Variants in ATP6V0D1 observed in about 807,000 individuals in gnomAD.
ATP6V0D1 encodes V-type proton ATPase subunit d 1.
Under a neutral mutation model 39.0 loss-of-function variants are expected in ATP6V0D1, and 13 were observed. That is an observed-to-expected ratio of 0.33 (90% CI 0.22 to 0.53). ATP6V0D1 has a LOEUF of 0.53. ATP6V0D1 is among the 20% of genes least tolerant of loss of function. The pLI, the probability that ATP6V0D1 is intolerant of heterozygous loss-of-function variation, is 0.94. For synonymous variants in ATP6V0D1, 191 were observed against 191.2 expected (o/e 1.00, Z 0.01); for missense variants, 272 against 470.9 (o/e 0.58, Z 3.91).
chr16:67,475,504 C>T (rs2041407592), intron 1 of ATP6V0D1, among the ~76,000 whole-genome samples: 1 of 152,226 alleles, frequency 6.6e-6, no homozygotes, highest in African/African-American at 2.4e-5. Context: ...AACGATCTAA[C>T]TCTCTGGCTG....
In ATP6V0D1 at chr16:67,474,804, A is replaced by G. The variant is rs560629432; in HGVS notation, c.130+6153T>C. On this transcript the variant is annotated intron_variant, in intron 1 of 7. Transcript: ENST00000290949. ...ATATCTCCACTCAGATGGCTCACAGATCCCTCAATTTCATCTTCTCACTTC... is the reference window on the plus strand; with the variant it reads ...ATATCTCCACTCAGATGGCTCACAGGTCCCTCAATTTCATCTTCTCACTTC... 1.0e-3 allele frequency among the ~76,000 whole-genome samples: 155 copies of G among 152,194 alleles called. 1 individual carries two copies. Among genetic ancestry groups the G allele is most frequent in the African/African-American group, 3.5e-3 (147 of 41,524 alleles).
intron 1 of ATP6V0D1, among the ~76,000 whole-genome samples, chr16:67,477,891 G>A (rs751458055): frequency 2.6e-5 from 4 of 152,000 alleles, no homozygotes; most frequent in East Asian, 1.9e-4. Context: ...GGATGGTCTC[G>A]ATCTCCTGAC....
chr16:67,469,542 C>A (rs2041356457), intron 1 of ATP6V0D1, among the ~76,000 whole-genome samples: 1 of 152,114 alleles, frequency 6.6e-6, no homozygotes, highest in South Asian at 2.1e-4. Context: ...CCCTCAAGCA[C>A]CCCCATAGGA....
intron 1 of ATP6V0D1, among the ~76,000 whole-genome samples, chr16:67,463,871 T>G (rs915156331): frequency 2.6e-5 from 4 of 151,962 alleles, no homozygotes; most frequent in African/African-American, 9.7e-5. Context: ...GGACCTGGGC[T>G]GGCCCCTGGG....
chr16:67,457,389 C>A (rs1426522812), intron 1 of ATP6V0D1: 1 of 360,960 alleles, frequency 2.8e-6, no homozygotes, highest in Non-Finnish European at 5.4e-6. Flanking sequence ...CTCTGCACCT[C>A]CTTTACCGCT....
Position 67,456,866 on chromosome 16 carries a change from C to G in ATP6V0D1, c.131-3151G>C, listed in dbSNP as rs1022038440. ...CATCAGGGGCTGGGCCTCACCCGGG[C>G]ATCTGTGTACACACTGCTCTTCCAG... On this transcript the variant is annotated intron_variant, in intron 1 of 7. Coordinates refer to ENST00000290949, the MANE Select transcript of ATP6V0D1 (RefSeq NM_004691.5). The surrounding 1 kb of genome is among the most constrained non-coding windows in gnomAD (Gnocchi z 4.1). 1 of 152,234 alleles carries G rather than the reference C, an allele frequency of 6.6e-6. No homozygotes were observed. Among genetic ancestry groups the G allele is most frequent in the Non-Finnish European group, 1.5e-5 (1 of 68,094 alleles). 9.4% of individuals were successfully genotyped at this position (152,234 alleles called of 1,614,324 possible).
At chr16:67,475,029 G>A (rs1055168603) in intron 1 of ATP6V0D1, among the ~76,000 whole-genome samples, 3 of 152,132 alleles carry the variant, frequency 2.0e-5, no homozygotes, top group Admixed American at 6.5e-5. Context: ...TGCCTTCACC[G>A]CCAGCCTGGA....
In ATP6V0D1 at chr16:67,438,467, ACACGCG is replaced by A; in HGVS notation, c.*55_*60del. 1 of 1,570,058 alleles carries A rather than the reference ACACGCG, an allele frequency of 6.4e-7. No homozygotes were observed. Among genetic ancestry groups the A allele is most frequent in the Admixed American group, 1.8e-5 (1 of 56,216 alleles). ...AGACCACATACACACACACGCACACACACGCGCACACACACACACACACACACAAAG... is the reference window on the plus strand; with the variant it reads ...AGACCACATACACACACACGCACACACACACACACACACACACACACAAAG... On this transcript the variant is annotated 3_prime_UTR_variant, in exon 8 of 8. Coordinates refer to ENST00000290949, the MANE Select transcript of ATP6V0D1 (RefSeq NM_004691.5).
intron 1 of ATP6V0D1, among the ~76,000 whole-genome samples, chr16:67,459,812 C>T (rs1020370173): frequency 6.6e-6 from 1 of 152,256 alleles, no homozygotes; most frequent in East Asian, 1.9e-4. Flanking sequence ...GGTCCTGGCC[C>T]GTGCCAGGGG....
At chr16:67,466,861 C>G (rs990611564) in intron 1 of ATP6V0D1, among the ~76,000 whole-genome samples, 9 of 152,040 alleles carry the variant, frequency 5.9e-5, no homozygotes, top group South Asian at 4.2e-4. Flanking sequence ...AAAGCCAAAC[C>G]GGAGACCACA....
chr16:67,442,496 G>A (rs1220590886), intron 4 of ATP6V0D1, among the ~76,000 whole-genome samples: 1 of 149,056 alleles, frequency 6.7e-6, no homozygotes, highest in African/African-American at 2.5e-5. Context: ...TCTCCTCTCC[G>A]GTCCCCTGGC....
intron 2 of ATP6V0D1, among the ~76,000 whole-genome samples, chr16:67,450,290 A>G (rs2041163634): frequency 6.6e-6 from 1 of 152,082 alleles, no homozygotes; most frequent in Non-Finnish European, 1.5e-5. Context: ...CCCTCAACCT[A>G]AAAACCCCCT....
chr16:67,474,106 C>T (rs2041396594), intron 1 of ATP6V0D1, among the ~76,000 whole-genome samples: 1 of 152,226 alleles, frequency 6.6e-6, no homozygotes, highest in Non-Finnish European at 1.5e-5. Flanking sequence ...GACAGGCACA[C>T]TTGCCCTAAG....
chr16:67,461,102 C>A (rs570653217), intron 1 of ATP6V0D1, among the ~76,000 whole-genome samples: 1 of 152,332 alleles, frequency 6.6e-6, no homozygotes, highest in East Asian at 1.9e-4. Flanking sequence ...CTGGCAGACA[C>A]CATGAGCCCA....
Position 67,453,762 on chromosome 16 carries a change from C to T in ATP6V0D1, c.131-47G>A, listed in dbSNP as rs1454690331. ...TAAGGGCTAGCCTTGCTGGGCCTCCCCAAGGGTCCCAAGTCCCCATCCCCA... is the reference window on the plus strand; with the variant it reads ...TAAGGGCTAGCCTTGCTGGGCCTCCTCAAGGGTCCCAAGTCCCCATCCCCA... On this transcript the variant is annotated intron_variant, in intron 1 of 7. Transcript: ENST00000290949. This position sits in a 1 kb window ranked among gnomAD's most constrained non-coding sequence, Gnocchi z 4.1. 1 of 1,585,520 alleles carries T rather than the reference C, an allele frequency of 6.3e-7. No homozygotes were observed. The highest frequency in any genetic ancestry group is 8.6e-7 in the Non-Finnish European group (1 of 1,162,778).
chr16:67,463,198 G>A (rs1377164850), intron 1 of ATP6V0D1, among the ~76,000 whole-genome samples: 1 of 152,184 alleles, frequency 6.6e-6, no homozygotes, highest in Non-Finnish European at 1.5e-5. Context: ...GTGAGCTCAT[G>A]CACTGTCAGC....
chr16:67,451,885 C>T (rs2041184673), intron 2 of ATP6V0D1, among the ~76,000 whole-genome samples: 1 of 152,256 alleles, frequency 6.6e-6, no homozygotes, highest in Non-Finnish European at 1.5e-5. Flanking sequence ...AAGACCAAGA[C>T]AGGCCAAAGG....
At chr16:67,472,683 C>T (rs890206799) in intron 1 of ATP6V0D1, among the ~76,000 whole-genome samples, 7 of 152,124 alleles carry the variant, frequency 4.6e-5, no homozygotes, top group Non-Finnish European at 1.0e-4. Flanking sequence ...CTGGCTAACA[C>T]GGTGAAACCC....
intron 1 of ATP6V0D1, among the ~76,000 whole-genome samples, chr16:67,468,195 G>A (rs1283776742): frequency 6.6e-6 from 1 of 152,166 alleles, no homozygotes; most frequent in Non-Finnish European, 1.5e-5. Flanking sequence ...GGAAAGGTGA[G>A]GTAGAAGGAT....
Sources: gnomAD v4.1 joint callset for allele counts (sites outside exome capture counted in the v4.1 genomes callset) on GRCh38, gnomAD v4.1.1 for gene constraint, Gnocchi (gnomAD v3.1) non-coding constraint, MANE v1.5 for transcripts, NCBI Gene and HGNC (gene_info 2026-07-23, HGNC 2026-07-21) for gene names.